DYNC2I1: variants seen among roughly 807,000 people sequenced by gnomAD.
The protein encoded by DYNC2I1 is dynein 2 intermediate chain 1.
In DYNC2I1, 89 loss-of-function variants were observed where a neutral mutation model predicts 133.4. The observed-to-expected ratio is 0.67, with a 90% CI of 0.56 to 0.80. The LOEUF is 0.80. Among genes scored for constraint, DYNC2I1 ranks in the 30% least tolerant of loss-of-function variants. The pLI, the probability that DYNC2I1 is intolerant of heterozygous loss-of-function variation, is 0.00. For synonymous variants in DYNC2I1, 504 were observed against 484.3 expected (o/e 1.04, Z -0.54); for missense variants, 1,291 against 1,314.5 (o/e 0.98, Z 0.28).
chr7:158,857,536 TTTTG>T (rs1425488045), intron 1 of DYNC2I1, among the ~76,000 whole-genome samples: 4 of 136,562 alleles, frequency 2.9e-5, no homozygotes, highest in Non-Finnish European at 4.6e-5. Context: ...AACCTTAGGT[TTTTG>T]TTTTTTTTTT....
At chr7:158,879,368 A>G (rs947077243) in intron 4 of DYNC2I1, among the ~76,000 whole-genome samples, 3 of 152,122 alleles carry the variant, frequency 2.0e-5, no homozygotes, top group Non-Finnish European at 4.4e-5. Context: ...ACCAAAATCC[A>G]TGAATACTCA....
intron 6 of DYNC2I1, among the ~76,000 whole-genome samples, 200 bp from the exon 7 acceptor site, chr7:158,886,821 G>A (rs559991194): frequency 2.1e-4 from 32 of 152,072 alleles, no homozygotes; most frequent in Admixed American, 1.1e-3. Context: ...GGCTGGTCCC[G>A]AACTCCTGGC....
chr7:158,871,673 C>G (rs1842898904), intron 3 of DYNC2I1, 111 bp downstream of exon 3: 9 of 1,258,954 alleles, frequency 7.1e-6, no homozygotes, highest in Non-Finnish European at 9.6e-6. Flanking sequence ...TCCCTCCTTC[C>G]CCTTTCCTTT....
In DYNC2I1 at chr7:158,942,146, C is replaced by T. The variant is rs755100504; in HGVS notation, c.3000C>T (p.Asn1000=). The change falls in exon 24 of 25, where the codon AAC becomes AAT. Residue 1000 remains asparagine, a splice_region_variant and synonymous_variant. Coordinates refer to ENST00000407559, the MANE Select transcript of DYNC2I1 (RefSeq NM_018051.5). ...GPVAKQQVSP[N]RLVAMAAVGE... is the part of the protein sequence containing the mutation. ...TCGCCAAACAGCAGGTCTCCCCCAA[C>T]AGGCAAGTGGGGAAGCTCTGGACCA... 4 of 1,542,442 alleles carry T rather than the reference C, an allele frequency of 2.6e-6. No individual in the cohort carries two copies. In the South Asian group the frequency reaches 3.7e-5, roughly 14 times the overall value.
intron 14 of DYNC2I1, 33 bp downstream of exon 14, chr7:158,914,354 T>C (rs1443020911): frequency 1.3e-6 from 2 of 1,546,416 alleles, no homozygotes; most frequent in African/African-American, 2.7e-5. Flanking sequence ...GTGTTCTCTG[T>C]GTAAGTGCTT....
chr7:158,951,929 C>A (rs1429391332), intron 4 of DYNC2I1, among the ~76,000 whole-genome samples: 1 of 152,198 alleles, frequency 6.6e-6, no homozygotes, highest in African/African-American at 2.4e-5. Flanking sequence ...CGTGTTGACA[C>A]CCCCTGGGAA....
intron 23 of DYNC2I1, among the ~76,000 whole-genome samples, chr7:158,936,033 A>C (rs761465491): frequency 2.0e-5 from 3 of 152,134 alleles, no homozygotes; most frequent in Non-Finnish European, 2.9e-5. Context: ...CTCTACTAAA[A>C]ACATAAAATT....
At chr7:158,907,614 C>T (rs561573990) in intron 11 of DYNC2I1, among the ~76,000 whole-genome samples, 63 of 151,126 alleles carry the variant, frequency 4.2e-4, no homozygotes, top group African/African-American at 1.5e-3. Flanking sequence ...CTTTCTTTTA[C>T]GTCTTCTGCT....
intron 14 of DYNC2I1, among the ~76,000 whole-genome samples, chr7:158,916,765 A>T (rs1848371643): frequency 4.4e-5 from 2 of 45,334 alleles, no homozygotes; most frequent in African/African-American, 1.7e-4. Context: ...GGTTGACATT[A>T]AGGATGATTG....
At chr7:158,911,779 G>A in intron 12 of DYNC2I1, 100 bp downstream of exon 12, 2 of 1,400,956 alleles carry the variant, frequency 1.4e-6, no homozygotes, top group Non-Finnish European at 1.9e-6. Flanking sequence ...TTAGAACTTG[G>A]GGATGGTCTG....
At chr7:158,952,848 C>T (rs535097985) in intron 4 of DYNC2I1, among the ~76,000 whole-genome samples, 2 of 152,326 alleles carry the variant, frequency 1.3e-5, no homozygotes, top group East Asian at 1.9e-4. Flanking sequence ...CTCTCCTCAG[C>T]ACCCTTCAGG....
chr7:158,918,281 A>T (rs914678150), intron 14 of DYNC2I1, among the ~76,000 whole-genome samples: 1 of 152,030 alleles, frequency 6.6e-6, no homozygotes, highest in South Asian at 2.1e-4. Context: ...TTTTCCATCA[A>T]TCCTGTTTTG....
At chr7:158,926,088 TGA>T in intron 17 of DYNC2I1, 97 bp from the exon 18 acceptor site, 1 of 902,308 alleles carries the variant, frequency 1.1e-6, no homozygotes, top group East Asian at 2.6e-5. Flanking sequence ...GTTGGATCTG[TGA>T]GACCCAGAAG....
chr7:158,866,466 T>A (rs941064175), intron 1 of DYNC2I1, among the ~76,000 whole-genome samples: 1 of 151,924 alleles, frequency 6.6e-6, no homozygotes, highest in African/African-American at 2.4e-5. Flanking sequence ...GTCTCCTGGG[T>A]CTCCTGGTTG....
intron 1 of DYNC2I1, among the ~76,000 whole-genome samples, chr7:158,862,775 A>G (rs1324000889): frequency 6.6e-6 from 1 of 151,706 alleles, no homozygotes; most frequent in Non-Finnish European, 1.5e-5. Context: ...ATTCTTAAAG[A>G]TGGTGTGTCC....
chr7:158,899,393 A>G (rs1846030226), intron 8 of DYNC2I1, among the ~76,000 whole-genome samples: 1 of 152,234 alleles, frequency 6.6e-6, no homozygotes. Flanking sequence ...CATTTTTGCT[A>G]CTATTATTCT....
In DYNC2I1 at chr7:158,871,374, A is replaced by C; in HGVS notation, c.302A>C (p.Lys101Thr). 6.5e-7 allele frequency: 1 copy of C among 1,548,112 alleles called. No individual in the cohort carries two copies. Residue 101 changes from lysine (K) to threonine (T), a missense_variant, in exon 3 of 25, where the codon AAA (lysine) becomes ACA (threonine). Physicochemically the swap from Lys to Thr is moderately conservative, Grantham distance 78. Transcript: ENST00000407559. ...AGAAGAGACGCAAAAGACCGGGAGA[A>C]AGAAAAGCTGAAGGAGAAACATCGA... is the stretch of plus-strand genomic sequence containing the variant. ...ERRRDAKDRE[K>T]EKLKEKHREA...
At chr7:158,903,865 CA>C (rs1365908367) in intron 10 of DYNC2I1, 1 of 152,178 alleles carries the variant, frequency 6.6e-6, no homozygotes, top group Non-Finnish European at 1.5e-5. Flanking sequence ...TCATTTTCAA[CA>C]TTTATGCTTA....
intron 3 of DYNC2I1, among the ~76,000 whole-genome samples, chr7:158,873,076 G>A (rs1843022722): frequency 6.6e-6 from 1 of 151,658 alleles, no homozygotes; most frequent in South Asian, 2.1e-4. Context: ...AATCCTCATC[G>A]TAAATAAACA....
Sources: gnomAD v4.1 joint callset for allele counts (sites outside exome capture counted in the v4.1 genomes callset) on GRCh38, gnomAD v4.1.1 for gene constraint, MANE v1.5 for transcripts, NCBI Gene and HGNC (gene_info 2026-07-23, HGNC 2026-07-21) for gene names.